RALYL: variants seen among roughly 807,000 people sequenced by gnomAD.
RALYL encodes RNA-binding Raly-like protein.
A neutral mutation model predicts 35.1 loss-of-function variants in RALYL; 29 were observed. The ratio of observed to expected loss-of-function variants is 0.83; its 90% CI spans 0.61 to 1.13. The LOEUF (loss-of-function observed/expected upper bound fraction) is 1.13, where lower values mean the gene tolerates loss of function less well. Among genes scored for constraint, RALYL ranks in the 50% most tolerant of loss-of-function variants. RALYL has a pLI of 0.00. For synonymous variants in RALYL, 120 were observed against 127.6 expected (o/e 0.94, Z 0.40); for missense variants, 359 against 360.4 (o/e 1.00, Z 0.03).
At chr8:84,430,215 A>G (rs916740544) in intron 1 of RALYL, among the ~76,000 whole-genome samples, 4 of 152,254 alleles carry the variant, frequency 2.6e-5, no homozygotes, top group East Asian at 1.9e-4. Context: ...AATGGAAAAC[A>G]TAGTGATAAA....
chr8:84,704,110 A>G (rs1840704967), intron 2 of RALYL, among the ~76,000 whole-genome samples: 1 of 152,182 alleles, frequency 6.6e-6, no homozygotes, highest in African/African-American at 2.4e-5. Flanking sequence ...TATGGACTTT[A>G]TCATTGAAAC....
chr8:84,795,206 C>T (rs570249864), intron 3 of RALYL, among the ~76,000 whole-genome samples: 4 of 152,322 alleles, frequency 2.6e-5, no homozygotes, highest in African/African-American at 9.6e-5. Context: ...GCCTGGCTGT[C>T]TCCTCAACCT....
At chr8:84,892,329 G>C (rs529520813) in intron 8 of RALYL, among the ~76,000 whole-genome samples, 11 of 152,246 alleles carry the variant, frequency 7.2e-5, no homozygotes, top group Admixed American at 7.2e-4. Flanking sequence ...TGATTTCCTG[G>C]CTGGGCATGG....
intron 6 of RALYL, among the ~76,000 whole-genome samples, chr8:84,869,143 A>G (rs556359279): frequency 1.4e-4 from 21 of 152,224 alleles, no homozygotes; most frequent in Admixed American, 1.0e-3. Context: ...TGATTCCTTG[A>G]TCATATTTTT....
At chr8:84,564,759 A>G (rs1338896620) in intron 2 of RALYL, among the ~76,000 whole-genome samples, 2 of 151,666 alleles carry the variant, frequency 1.3e-5, no homozygotes. Context: ...ACTACATTTC[A>G]TCGTATTTAT....
At position 84,697,685 on chromosome 8, in the gene RALYL, C is replaced by G. The variant is rs185803443; in HGVS notation, c.257-76894C>G. ...TTTGCTGTACAGATTATTTCATCACCCAGGTATTAAGCCTAGTACCTATTA... is the reference window on the plus strand; with the variant it reads ...TTTGCTGTACAGATTATTTCATCACGCAGGTATTAAGCCTAGTACCTATTA... On this transcript the variant is annotated intron_variant, in intron 2 of 8. Transcript: ENST00000521268. Among the ~76,000 whole-genome samples, 3 of 152,058 alleles carry G rather than the reference C, an allele frequency of 2.0e-5. No individual in the cohort carries two copies. The East Asian group carries it at 5.8e-4, about 29-fold the overall frequency.
intron 8 of RALYL, among the ~76,000 whole-genome samples, chr8:84,919,550 G>A (rs756074307): frequency 1.4e-3 from 217 of 152,002 alleles, no homozygotes; most frequent in Admixed American, 5.8e-3. Context: ...AAACACATTT[G>A]AATAAAGCTT....
intron 1 of RALYL, among the ~76,000 whole-genome samples, chr8:84,388,002 G>A (rs1215257494): frequency 1.3e-5 from 2 of 151,504 alleles, no homozygotes; most frequent in Non-Finnish European, 3.0e-5. Flanking sequence ...CCTACACCAC[G>A]CCACACCAGT....
At chr8:84,182,968 A>AGATGAAATAC (rs1272989505), upstream of RALYL, 2 of 152,384 alleles carry the variant, frequency 1.3e-5, no homozygotes, top group Admixed American at 1.3e-4. Flanking sequence ...GATGAAAAAT[A>AGATGAAATAC]GATGAAATAC....
At chr8:84,848,407 A>ATG (rs1453449837) in intron 4 of RALYL, among the ~76,000 whole-genome samples, 4 of 148,182 alleles carry the variant, frequency 2.7e-5, no homozygotes, top group Non-Finnish European at 4.5e-5. Context: ...GCATATATAT[A>ATG]TGTGTGTGTA....
chr8:84,314,468 A>C lies in RALYL; in HGVS notation c.-24+130044A>C, dbSNP rs1353037150. ...AAGTATATATGTATATTTATGTATA[A>C]AAATATGTGTATTATATATATAAAT... On this transcript the variant is annotated intron_variant, in intron 1 of 8. Coordinates refer to ENST00000521268, the MANE Select transcript of RALYL (RefSeq NM_173848.7). 2.6e-5 allele frequency among the ~76,000 whole-genome samples: 4 copies of C among 152,034 alleles called. No individual in the cohort carries two copies. In the South Asian group the frequency reaches 6.2e-4, roughly 24 times the overall value.
At chr8:84,548,822 G>A (rs1025357881) in intron 2 of RALYL, among the ~76,000 whole-genome samples, 5 of 151,498 alleles carry the variant, frequency 3.3e-5, no homozygotes, top group Admixed American at 6.6e-5. Context: ...TTTGCTTTCT[G>A]TTCAACTTGG....
chr8:84,650,191 T>C (rs1828429120), intron 2 of RALYL, among the ~76,000 whole-genome samples: 2 of 152,134 alleles, frequency 1.3e-5, no homozygotes, highest in South Asian at 2.1e-4. Flanking sequence ...GCTGAGACAA[T>C]GGGGTTTTCT....
intron 1 of RALYL, among the ~76,000 whole-genome samples, chr8:84,459,593 G>C (rs538442313): frequency 3.3e-5 from 5 of 151,880 alleles, no homozygotes; most frequent in African/African-American, 1.2e-4. Flanking sequence ...AGGAATGGAG[G>C]CATGGGTGGT....
At chr8:84,244,116 A>C (rs532416376) in intron 1 of RALYL, among the ~76,000 whole-genome samples, 88 of 152,212 alleles carry the variant, frequency 5.8e-4, no homozygotes, top group African/African-American at 2.1e-3. Context: ...AATAGAAGCA[A>C]CTATGTATCT....
chr8:84,783,915 C>T (rs915926057), intron 3 of RALYL, among the ~76,000 whole-genome samples: 4 of 152,206 alleles, frequency 2.6e-5, no homozygotes, highest in Admixed American at 6.6e-5. Flanking sequence ...GAGCAACCAG[C>T]CAGGAAGTCT....
chr8:84,577,424 G>A (rs1322503485), intron 2 of RALYL, among the ~76,000 whole-genome samples: 1 of 152,174 alleles, frequency 6.6e-6, no homozygotes, highest in Admixed American at 6.5e-5. Flanking sequence ...GTGTTTGCTG[G>A]CAGAGAAGGA....
rs1458259856 is a variant in RALYL, at chr8:84,529,337, C to T, written c.16C>T (p.Gln6Ter). 1 of 1,577,286 alleles carries T rather than the reference C, an allele frequency of 6.3e-7. No individual in the cohort carries two copies. Among genetic ancestry groups the T allele is most frequent in the Admixed American group, 1.9e-5 (1 of 53,598 alleles). ...AGAGCCAATCATGACTGGCAAAACA[C>T]AGACCAGCAACGTCACCAATAAGAA... is the stretch of plus-strand genomic sequence containing the variant. MTGKT[Q>*]TSNVTNKNDP... is the part of the protein sequence containing the mutation. Residue 6 changes from glutamine to a stop codon, truncating the protein, a stop_gained, in exon 2 of 9, where the codon CAG becomes TAG. Transcript: ENST00000521268. LOFTEE classifies it high-confidence loss of function.
chr8:84,738,786 G>A (rs901117056), intron 2 of RALYL, among the ~76,000 whole-genome samples: 3 of 152,000 alleles, frequency 2.0e-5, no homozygotes, highest in Non-Finnish European at 4.4e-5. Flanking sequence ...GATAAATGCA[G>A]TGAACATCAA....
Sources: gnomAD v4.1 joint callset for allele counts (sites outside exome capture counted in the v4.1 genomes callset) on GRCh38, gnomAD v4.1.1 for gene constraint, MANE v1.5 for transcripts, NCBI Gene and HGNC (gene_info 2026-07-23, HGNC 2026-07-21) for gene names.